DLEC1: variants seen among roughly 807,000 people sequenced by gnomAD.
The protein encoded by DLEC1 is deleted in lung and esophageal cancer protein 1.
DLEC1 carries 146 observed loss-of-function variants against 198.1 expected under a neutral mutation model. That is an observed-to-expected ratio of 0.74 (90% CI 0.64 to 0.85). DLEC1 has a LOEUF of 0.85. Ranked by LOEUF, DLEC1 falls within the 40% of genes least tolerant of loss-of-function variation. DLEC1 has a pLI of 0.00. For synonymous variants in DLEC1, 897 were observed against 866.8 expected (o/e 1.03, Z -0.61); for missense variants, 2,233 against 2,220.0 (o/e 1.01, Z -0.12).
At chr3:38,067,888 G>T (rs993154410) in intron 6 of DLEC1, among the ~76,000 whole-genome samples, 2 of 151,904 alleles carry the variant, frequency 1.3e-5, no homozygotes, top group Non-Finnish European at 2.9e-5. Flanking sequence ...GTGTAACTGG[G>T]ATTACAGGTA....
chr3:38,056,774 G>A (rs1034903718), intron 2 of DLEC1, among the ~76,000 whole-genome samples: 3 of 152,154 alleles, frequency 2.0e-5, no homozygotes, highest in African/African-American at 7.2e-5. Context: ...ATAACGAACA[G>A]ATTCAGTATC....
Position 38,086,332 on chromosome 3 carries a change from G to T in DLEC1, c.1527G>T (p.Arg509Ser), listed in dbSNP as rs755022668. Residue 509 changes from arginine (R) to serine (S), a missense_variant, in exon 9 of 37, where the codon AGG (arginine) becomes AGT (serine). Arg to Ser is a moderately radical substitution (Grantham distance 110). Transcript: ENST00000308059. ...ICKNVGFSVG[R>S]FCIMPKTSWP... ...AAAATGTGGGTTTCAGTGTTGGCAGGTTCTGCATTATGCCCAAAACAAGCT... is the reference window on the plus strand; with the variant it reads ...AAAATGTGGGTTTCAGTGTTGGCAGTTTCTGCATTATGCCCAAAACAAGCT... 9 of 1,612,694 alleles carry T rather than the reference G, an allele frequency of 5.6e-6. No individual in the cohort carries two copies. Among genetic ancestry groups the T allele is most frequent in the Non-Finnish European group, 7.6e-6 (9 of 1,179,308 alleles).
At position 38,084,154 on chromosome 3, in the gene DLEC1, A is replaced by G; in HGVS notation, c.1174-4A>G. ...CTAAAAGAGATCATCTTACCTTTCAACAGATGGTAATTGCGCTGCAGAACA... is the reference window on the plus strand; with the variant it reads ...CTAAAAGAGATCATCTTACCTTTCAGCAGATGGTAATTGCGCTGCAGAACA... On this transcript the variant is annotated splice_polypyrimidine_tract_variant and splice_region_variant and intron_variant, in intron 6 of 36. Transcript: ENST00000308059. 4 of 1,612,464 alleles carry G rather than the reference A, an allele frequency of 2.5e-6. No individual in the cohort carries two copies. Among genetic ancestry groups the G allele is most frequent in the Non-Finnish European group, 2.5e-6 (3 of 1,178,838 alleles).
chr3:38,101,834 G>A (rs1037562039), intron 19 of DLEC1, among the ~76,000 whole-genome samples: 8 of 152,162 alleles, frequency 5.3e-5, no homozygotes, highest in Non-Finnish European at 1.2e-4. Context: ...TAGATGTGAA[G>A]GCTAAGTCTG....
intron 2 of DLEC1, among the ~76,000 whole-genome samples, chr3:38,056,530 GA>G (rs1477675646): frequency 6.6e-6 from 1 of 152,022 alleles, no homozygotes; most frequent in Non-Finnish European, 1.5e-5. Context: ...GGCTGGTCTT[GA>G]ACTCTTGACC....
rs1367180192 is a variant in DLEC1 at position 38,063,896 on chromosome 3, T to G, written c.1150T>G (p.Tyr384Asp). ...GCCACCAATTGGGTTTTTCACAGAT[T>G]ATGAAATTGGTCCAGTTTATGAGGT... ...AKPPIGFFTD[Y>D]EIGPVYEMVI... The change falls in exon 6 of 37, where the codon TAT (tyrosine) becomes GAT (aspartate). Residue 384 changes from tyrosine (Y) to aspartate (D), a missense_variant. Transcript: ENST00000308059. 3.7e-6 allele frequency: 6 copies of G among 1,613,240 alleles called. No individual in the cohort carries two copies. In the African/African-American group the frequency reaches 4.0e-5, roughly 11 times the overall value.
At chr3:38,057,657 C>T (rs1401002468) in intron 2 of DLEC1, among the ~76,000 whole-genome samples, 2 of 152,114 alleles carry the variant, frequency 1.3e-5, no homozygotes, top group Non-Finnish European at 2.9e-5. Flanking sequence ...TGTAACTATT[C>T]AAAAATATAA....
intron 1 of DLEC1, among the ~76,000 whole-genome samples, chr3:38,040,337 G>C (rs1346583012): frequency 6.6e-6 from 1 of 152,126 alleles, no homozygotes; most frequent in Non-Finnish European, 1.5e-5. Context: ...AATGTCTGCT[G>C]GGTGTCATAC....
chr3:38,077,891 G>A (rs1426891497), intron 6 of DLEC1, among the ~76,000 whole-genome samples: 1 of 152,232 alleles, frequency 6.6e-6, no homozygotes, highest in Non-Finnish European at 1.5e-5. Context: ...GGAACACTGA[G>A]AAGTTATTTC....
chr3:38,078,753 A>G (rs1183856283), intron 6 of DLEC1, among the ~76,000 whole-genome samples: 1 of 152,166 alleles, frequency 6.6e-6, no homozygotes, highest in African/African-American at 2.4e-5. Flanking sequence ...TAAAGAAAGC[A>G]TGTTTGAGAT....
intron 2 of DLEC1, among the ~76,000 whole-genome samples, chr3:38,049,360 A>G (rs2125583618): frequency 6.6e-6 from 1 of 152,286 alleles, no homozygotes; most frequent in South Asian, 2.1e-4. Flanking sequence ...ACTGGCAATG[A>G]GGACATTCCC....
At chr3:38,119,139 C>T (rs1700329664) in intron 33 of DLEC1, among the ~76,000 whole-genome samples, 2 of 152,164 alleles carry the variant, frequency 1.3e-5, no homozygotes, top group African/African-American at 4.8e-5. Context: ...CTGGGGAAGC[C>T]CAAAAGTTCC....
intron 13 of DLEC1, 154 bp from the exon 14 acceptor site, chr3:38,095,734 G>T (rs1323040192): frequency 2.4e-6 from 2 of 843,652 alleles, no homozygotes; most frequent in East Asian, 5.0e-5. Flanking sequence ...TCCTAAGGAG[G>T]GGAGGAGGCA....
intron 9 of DLEC1, among the ~76,000 whole-genome samples, chr3:38,087,224 A>C (rs13098107): frequency 0.34 from 51,713 of 151,640 alleles, 9,195 homozygotes; most frequent in East Asian, 0.54. Flanking sequence ...CTGAGTGCCC[A>C]GCTCCACCAG....
chr3:38,096,662 G>A lies in DLEC1; in HGVS notation c.2265G>A (p.Gln755=), dbSNP rs568087360. The A allele has an allele frequency of 2.5e-6, 4 of 1,613,432 alleles. No individual in the cohort carries two copies. The African/African-American group carries it at 5.3e-5, about 22-fold the overall frequency. Residue 755 remains glutamine, a synonymous_variant, in exon 15 of 37, where the codon CAG becomes CAA. Coordinates refer to ENST00000308059, the MANE Select transcript of DLEC1 (RefSeq NM_007335.4). ...TGAAAGGCTCAGTAGAACCTTTCCAGGTTCTCTTAGAGCCATATGCCCTCA... is the reference window on the plus strand; with the variant it reads ...TGAAAGGCTCAGTAGAACCTTTCCAAGTTCTCTTAGAGCCATATGCCCTCA... ...IEVKGSVEPF[Q]VLLEPYALII... is the part of the protein sequence containing the mutation.
intron 6 of DLEC1, among the ~76,000 whole-genome samples, chr3:38,081,189 A>C (rs1403555201): frequency 5.4e-4 from 75 of 138,912 alleles, no homozygotes; most frequent in Middle Eastern, 3.8e-3. Flanking sequence ...GTGCAGAACA[A>C]AATGAAAAGT....
At chr3:38,099,221 CAGTT>C (rs1179636316) in intron 18 of DLEC1, among the ~76,000 whole-genome samples, 1 of 152,098 alleles carries the variant, frequency 6.6e-6, no homozygotes. Flanking sequence ...TTCCAGAGCA[CAGTT>C]AGAAGCTTAC....
intron 6 of DLEC1, among the ~76,000 whole-genome samples, chr3:38,071,778 C>G (rs545958660): frequency 2.8e-4 from 42 of 152,210 alleles, no homozygotes; most frequent in African/African-American, 9.6e-4. Flanking sequence ...GATGGAGGAC[C>G]CTTGTGTAGT....
intron 2 of DLEC1, among the ~76,000 whole-genome samples, chr3:38,054,249 G>A (rs1243036275): frequency 6.6e-6 from 1 of 152,032 alleles, no homozygotes; most frequent in Non-Finnish European, 1.5e-5. Context: ...ACAAAAACAA[G>A]GGTTTGAAGT....
Sources: allele counts gnomAD v4.1 joint callset (sites outside exome capture counted in the v4.1 genomes callset), GRCh38; gene constraint gnomAD v4.1.1; transcripts MANE v1.5; gene names NCBI Gene and HGNC (gene_info 2026-07-23, HGNC 2026-07-21).